Variants in SYNGR1 observed in about 807,000 individuals in gnomAD.
The protein encoded by SYNGR1 is synaptogyrin-1.
SYNGR1 carries 14 observed loss-of-function variants against 26.1 expected under a neutral mutation model. The observed-to-expected ratio is 0.54, with a 90% confidence interval of 0.35 to 0.84. The LOEUF (loss-of-function observed/expected upper bound fraction) is 0.84. Ranked by LOEUF, SYNGR1 falls within the 40% of genes least tolerant of loss-of-function variation. SYNGR1 has a pLI of 0.01. For synonymous variants in SYNGR1, 141 were observed against 150.1 expected (o/e 0.94, Z 0.44); for missense variants, 319 against 332.9 (o/e 0.96, Z 0.33).
intron 1 of SYNGR1, among the ~76,000 whole-genome samples, chr22:39,360,374 G>C (rs952971733): frequency 6.6e-6 from 1 of 152,116 alleles, no homozygotes; most frequent in African/African-American, 2.4e-5. Flanking sequence ...CCGTCTCCAG[G>C]GTTTCTTCTG....
chr22:39,359,102 C>T (rs1208619914), intron 1 of SYNGR1, among the ~76,000 whole-genome samples: 1 of 152,226 alleles, frequency 6.6e-6, no homozygotes, highest in East Asian at 1.9e-4. Context: ...GTAAATTGCA[C>T]TGTAACCTGG....
At chr22:39,356,247 G>T (rs1177047241) in intron 1 of SYNGR1, among the ~76,000 whole-genome samples, 1 of 151,906 alleles carries the variant, frequency 6.6e-6, no homozygotes, top group Non-Finnish European at 1.5e-5. Context: ...TAGAGACAGG[G>T]TTTCATCATG....
Position 39,384,001 on chromosome 22 carries a change from C to T in SYNGR1, c.*2087C>T, listed in dbSNP as rs1265599595. The T allele has an allele frequency of 6.6e-6, 1 of 152,392 alleles. No homozygotes were observed. Among genetic ancestry groups the T allele is most frequent in the East Asian group, 1.9e-4 (1 of 5,268 alleles). The allele number at this position is 152,392 out of a possible 1,614,324, so 9.4% of individuals were successfully genotyped here. On this transcript the variant is annotated 3_prime_UTR_variant, in exon 4 of 4. Coordinates refer to ENST00000328933, the MANE Select transcript of SYNGR1 (RefSeq NM_004711.5). Reference sequence around the variant, plus strand: ...GGAGAAGGGGCTCTGTCCACAGTCCCCCGCCGCCAGGTGGCCCACATGGGA... The same window carrying T: ...GGAGAAGGGGCTCTGTCCACAGTCCTCCGCCGCCAGGTGGCCCACATGGGA...
chr22:39,353,858 TTTTG>T (rs1275983249), intron 1 of SYNGR1, among the ~76,000 whole-genome samples: 2 of 152,086 alleles, frequency 1.3e-5, no homozygotes, highest in African/African-American at 4.8e-5. Flanking sequence ...CAGATGAGTT[TTTTG>T]TTTGTTTGTT....
At chr22:39,379,905 T>A (rs952160839) in intron 3 of SYNGR1, 15 of 152,144 alleles carry the variant, frequency 9.9e-5, no homozygotes, top group African/African-American at 3.6e-4. Flanking sequence ...TTCCCAGCCC[T>A]AAAACAGGGG....
intron 1 of SYNGR1, among the ~76,000 whole-genome samples, chr22:39,357,754 C>A (rs975768250): frequency 6.6e-6 from 1 of 152,024 alleles, no homozygotes; most frequent in African/African-American, 2.4e-5. Flanking sequence ...CCAGCGGCTG[C>A]GGAGGGTGTA....
intron 1 of SYNGR1, among the ~76,000 whole-genome samples, chr22:39,352,366 C>T (rs11705183): frequency 0.16 from 24,673 of 152,158 alleles, 2,636 homozygotes; most frequent in Non-Finnish European, 0.25. Context: ...GTAATACCTG[C>T]CAATTATTGG....
At chr22:39,375,726 G>A (rs576666416) in intron 2 of SYNGR1, 47 of 596,004 alleles carry the variant, frequency 7.9e-5, no homozygotes, top group Non-Finnish European at 1.3e-4. Flanking sequence ...GCAGAAATGC[G>A]GCCTGAGTTG....
intron 3 of SYNGR1, chr22:39,377,614 T>G: frequency 1.9e-6 from 3 of 1,613,974 alleles, no homozygotes; most frequent in Non-Finnish European, 2.5e-6. Flanking sequence ...ACCGCAGCCC[T>G]GGCCGTGCGG....
intron 1 of SYNGR1, among the ~76,000 whole-genome samples, chr22:39,370,515 A>G (rs1162679324): frequency 2.0e-5 from 3 of 151,998 alleles, no homozygotes; most frequent in Admixed American, 6.6e-5. Context: ...TGGCTGAAAA[A>G]TTGTCCAATT....
At chr22:39,375,252 T>C (rs1350788800) in intron 2 of SYNGR1, 1 of 156,572 alleles carries the variant, frequency 6.4e-6, no homozygotes, top group African/African-American at 2.4e-5. Flanking sequence ...GGTCTAGTTT[T>C]AGAAGGAACT....
chr22:39,365,845 TC>T (rs1289173979), intron 1 of SYNGR1, among the ~76,000 whole-genome samples: 1 of 151,858 alleles, frequency 6.6e-6, no homozygotes, highest in East Asian at 1.9e-4. Context: ...CTTTTTTTTT[TC>T]TTTTTCACAC....
chr22:39,369,986 C>CT (rs1425492122), intron 1 of SYNGR1, among the ~76,000 whole-genome samples: 1 of 151,946 alleles, frequency 6.6e-6, no homozygotes, highest in African/African-American at 2.4e-5. Flanking sequence ...ACATTTTTTT[C>CT]TTTTTTATAA....
intron 1 of SYNGR1, among the ~76,000 whole-genome samples, chr22:39,359,575 A>G (rs1483412167): frequency 6.9e-6 from 1 of 145,810 alleles, no homozygotes; most frequent in Admixed American, 7.2e-5. Context: ...AGCTTGCAGT[A>G]AGCCAAGATC....
intron 1 of SYNGR1, among the ~76,000 whole-genome samples, chr22:39,356,500 A>C (rs1045673087): frequency 1.3e-5 from 2 of 152,180 alleles, no homozygotes; most frequent in African/African-American, 4.8e-5. Flanking sequence ...GTCCCCAGCC[A>C]TGTGGGGAGT....
intron 1 of SYNGR1, among the ~76,000 whole-genome samples, chr22:39,370,983 A>T (rs759172135): frequency 2.0e-5 from 3 of 152,120 alleles, no homozygotes; most frequent in Non-Finnish European, 4.4e-5. Flanking sequence ...CTCCCATTCA[A>T]TGTAGATTTA....
At chr22:39,375,951 C>G (rs765506662) in intron 2 of SYNGR1, 101 bp from the exon 3 acceptor site, 1 of 1,515,954 alleles carries the variant, frequency 6.6e-7, no homozygotes, top group South Asian at 1.1e-5. Context: ...GAGATGCACT[C>G]TTGAATGTCC....
At position 39,382,021 on chromosome 22, in the gene SYNGR1, C is replaced by T; in HGVS notation, c.*107C>T. On this transcript the variant is annotated 3_prime_UTR_variant, in exon 4 of 4. Transcript: ENST00000328933. ...TGCCCAGCGCCTCATCAGCCTCTGCCTTGTCCCACTGAGGTCCAGGGTAGC... is the reference window on the plus strand; with the variant it reads ...TGCCCAGCGCCTCATCAGCCTCTGCTTTGTCCCACTGAGGTCCAGGGTAGC... 7.8e-7 allele frequency: 1 copy of T among 1,281,904 alleles called. No individual in the cohort carries two copies. The highest frequency in any genetic ancestry group is 1.1e-6 in the Non-Finnish European group (1 of 916,974). 79.4% of individuals were successfully genotyped at this position (1,281,904 alleles called of 1,614,324 possible). A position where few individuals can be genotyped will look rare whatever the true frequency, so the allele number is the denominator to read the frequency against.
chr22:39,383,438 G>C lies in SYNGR1; in HGVS notation c.*1524G>C, dbSNP rs1198573228. On this transcript the variant is annotated 3_prime_UTR_variant, in exon 4 of 4. Transcript: ENST00000328933. The stretch of plus-strand genomic sequence containing the variant: ...GCCTGAGGAGGTCATAATCTCTTCT[G>C]AGTGGGGGCAGGTCGATTCTTGCAC... 1 of 152,564 alleles carries C rather than the reference G, an allele frequency of 6.6e-6. No individual in the cohort carries two copies. The highest frequency in any genetic ancestry group is 1.5e-5 in the Non-Finnish European group (1 of 68,204). The allele number at this position is 152,564 out of a possible 1,614,324, so 9.5% of individuals were successfully genotyped here.
Sources: gnomAD v4.1 joint callset for allele counts (sites outside exome capture counted in the v4.1 genomes callset) on GRCh38, gnomAD v4.1.1 for gene constraint, MANE v1.5 for transcripts, NCBI Gene and HGNC (gene_info 2026-07-23, HGNC 2026-07-21) for gene names.